WASHC4: variants seen among roughly 807,000 people sequenced by gnomAD.
The protein encoded by WASHC4 is WASH complex subunit 4, also known as WASH complex subunit 7.
Under a neutral mutation model 166.6 loss-of-function variants are expected in WASHC4, and 86 were observed. The observed-to-expected ratio is 0.52, with a 90% CI of 0.43 to 0.62. The LOEUF (loss-of-function observed/expected upper bound fraction) is 0.62. WASHC4 is among the 20% of genes least tolerant of loss of function. The probability of loss-of-function intolerance (pLI) is 0.00; values close to 1 mark genes in which losing one functional copy is unlikely to be tolerated. For synonymous variants in WASHC4, 446 were observed against 451.6 expected (o/e 0.99, Z 0.16); for missense variants, 1,262 against 1,382.4 (o/e 0.91, Z 1.38).
chr12:105,164,060 A>G, intron 30 of WASHC4, 51 bp from the exon 31 acceptor site: 2 of 1,491,580 alleles, frequency 1.3e-6, no homozygotes, highest in Non-Finnish European at 1.9e-6. Context: ...GGAGTAGAAT[A>G]CCACTTCTGT....
chr12:105,142,012 G>T (rs1269864546), intron 18 of WASHC4, among the ~76,000 whole-genome samples: 1 of 60,578 alleles, frequency 1.7e-5, no homozygotes, highest in Non-Finnish European at 3.1e-5. Context: ...GGCGGGGGGG[G>T]TCACAATTTT....
In WASHC4 at chr12:105,126,240, C is replaced by T; in HGVS notation, c.916C>T (p.Pro306Ser). 1 of 1,612,542 alleles carries T rather than the reference C, an allele frequency of 6.2e-7. No homozygotes were observed. Among genetic ancestry groups the T allele is most frequent in the Non-Finnish European group, 8.5e-7 (1 of 1,179,004 alleles). The change falls in exon 12 of 33, where the codon CCT becomes TCT. Residue 306 changes from proline (P) to serine (S), a missense_variant. Physicochemically the swap from Pro to Ser is moderately conservative, Grantham distance 74 (BLOSUM62 -1). Transcript: ENST00000332180. ...TTATGTTATTGATTTGTAAGGAGAA[C>T]CTTCTGAAATTGACCAGAGAGACAA... ...FANVEAKLGEPSEIDQRDKYV... is the reference protein window; with the variant it reads ...FANVEAKLGESSEIDQRDKYV...
intron 25 of WASHC4, among the ~76,000 whole-genome samples, chr12:105,151,736 T>C (rs1457446151): frequency 6.6e-6 from 1 of 152,198 alleles, no homozygotes; most frequent in Non-Finnish European, 1.5e-5. Context: ...TGCCTCGGCC[T>C]CCCAAAGTGC....
At chr12:105,109,649 CTTTTTTT>C (rs36080234) in intron 1 of WASHC4, among the ~76,000 whole-genome samples, 299 of 97,604 alleles carry the variant, frequency 3.1e-3, no homozygotes, top group African/African-American at 0.011. Flanking sequence ...CTAGCATTGT[CTTTTTTT>C]TTTTTTTTTT....
At chr12:105,116,602 G>T (rs76453585) in intron 6 of WASHC4, among the ~76,000 whole-genome samples, 9,068 of 152,154 alleles carry the variant, frequency 0.06, 897 homozygotes, top group African/African-American at 0.21. Context: ...ATGCTGAGTA[G>T]ATTTTAGCTG....
chr12:105,115,243 T>G lies in WASHC4; in HGVS notation c.367+14T>G, dbSNP rs752113277. ...ATGGAGAAGGAGGTAAGTTTAAAAT[T>G]CCAAATTGTGATGCCTTTTTGATAT... On this transcript the variant is annotated intron_variant, in intron 5 of 32. Coordinates refer to ENST00000332180, the MANE Select transcript of WASHC4 (RefSeq NM_015275.3). The G allele has an allele frequency of 2.0e-6, 3 of 1,529,172 alleles. No homozygotes were observed. Among genetic ancestry groups the G allele is most frequent in the Non-Finnish European group, 2.7e-6 (3 of 1,103,604 alleles). The allele number at this position is 1,529,172 out of a possible 1,614,324, so 94.7% of individuals were successfully genotyped here. A position where few individuals can be genotyped will look rare whatever the true frequency, so the allele number is the denominator to read the frequency against.
At chr12:105,130,749 C>T (rs1208938482) in intron 13 of WASHC4, among the ~76,000 whole-genome samples, 4 of 152,200 alleles carry the variant, frequency 2.6e-5, no homozygotes, top group Non-Finnish European at 5.9e-5. Context: ...GCCAGTGTCC[C>T]AGCTGCCTCC....
intron 15 of WASHC4, 91 bp from the exon 16 acceptor site, chr12:105,140,203 C>T (rs1882709862): frequency 2.2e-6 from 2 of 926,968 alleles, no homozygotes; most frequent in African/African-American, 1.6e-5. Flanking sequence ...TTTACAAATC[C>T]CTTCCCTAGC....
intron 2 of WASHC4, among the ~76,000 whole-genome samples, chr12:105,113,916 A>G (rs1879926701): frequency 6.6e-6 from 1 of 152,030 alleles, no homozygotes; most frequent in South Asian, 2.1e-4. Context: ...GATCATAACT[A>G]ATGGAGTTTA....
rs775449066 is a variant in WASHC4, at chr12:105,107,761, C to G, written c.-40C>G. Reference sequence around the variant, plus strand: ...CTGGGGTGAGGCCGTCGTCGCCGCACGGGCTGGTTGGGGCTGTGTCTGTGG... The same window carrying G: ...CTGGGGTGAGGCCGTCGTCGCCGCAGGGGCTGGTTGGGGCTGTGTCTGTGG... On this transcript the variant is annotated 5_prime_UTR_variant, in exon 1 of 33. Transcript: ENST00000332180. The G allele has an allele frequency of 2.7e-6, 4 of 1,487,226 alleles. No homozygotes were observed. In the Admixed American group the frequency reaches 6.0e-5, roughly 22 times the overall value. 92.1% of individuals were successfully genotyped at this position (1,487,226 alleles called of 1,614,324 possible). A position where few individuals can be genotyped will look rare whatever the true frequency, so the allele number is the denominator to read the frequency against.
intron 8 of WASHC4, 145 bp downstream of exon 8, chr12:105,120,742 G>C (rs1212127347): frequency 1.5e-6 from 1 of 684,008 alleles, no homozygotes; most frequent in African/African-American, 1.8e-5. Context: ...GTTTGCATTT[G>C]TTCTCTTTCA....
Position 105,141,167 on chromosome 12 carries a change from A to G in WASHC4, c.1708A>G (p.Lys570Glu). 6.2e-7 allele frequency: 1 copy of G among 1,613,280 alleles called. No individual in the cohort carries two copies. The highest frequency in any genetic ancestry group is 8.5e-7 in the Non-Finnish European group (1 of 1,179,204). Reference sequence around the variant, plus strand: ...TGCCTTTTTTTCCTGTCCCTGATAGAAAACATTTAAAGATGAAGAACTCTT... The same window carrying G: ...TGCCTTTTTTTCCTGTCCCTGATAGGAAACATTTAAAGATGAAGAACTCTT... ...SLALSVGTQM[K>E]TFKDEELFPL... Residue 570 changes from lysine (K) to glutamate (E), a missense_variant and splice_region_variant, in exon 18 of 33, where the codon AAA becomes GAA. Physicochemically the swap from Lys to Glu is moderately conservative, Grantham distance 56. Coordinates refer to ENST00000332180, the MANE Select transcript of WASHC4 (RefSeq NM_015275.3).
At chr12:105,138,103 A>C (rs1592883637) in intron 15 of WASHC4, 92 bp downstream of exon 15, 1 of 1,248,678 alleles carries the variant, frequency 8.0e-7, no homozygotes, top group East Asian at 2.4e-5. Context: ...CTACATGATT[A>C]TATGAGAACA....
Position 105,160,163 on chromosome 12 carries a change from A to T in WASHC4, c.3060+15A>T. 1 of 1,609,562 alleles carries T rather than the reference A, an allele frequency of 6.2e-7. No individual in the cohort carries two copies. The highest frequency in any genetic ancestry group is 8.5e-7 in the Non-Finnish European group (1 of 1,176,346). ...TTCCCCCTCTGGTGAGTATTTCCAG[A>T]ACCTAAAATGAATTTTTTTTTTAAA... is the stretch of plus-strand genomic sequence containing the variant. On this transcript the variant is annotated intron_variant, in intron 29 of 32. Coordinates refer to ENST00000332180, the MANE Select transcript of WASHC4 (RefSeq NM_015275.3).
intron 2 of WASHC4, among the ~76,000 whole-genome samples, chr12:105,113,605 G>A (rs762438541): frequency 1.3e-5 from 2 of 151,994 alleles, no homozygotes; most frequent in African/African-American, 2.4e-5. Flanking sequence ...TAATGAGAAA[G>A]GGTATATAAT....
intron 15 of WASHC4, among the ~76,000 whole-genome samples, chr12:105,138,360 TAAAAA>T (rs200705849): frequency 6.9e-6 from 1 of 145,332 alleles, no homozygotes; most frequent in East Asian, 2.0e-4. Context: ...TTGCATGAGT[TAAAAA>T]AAAAAAAAAC....
intron 32 of WASHC4, 116 bp downstream of exon 32, chr12:105,164,856 G>T: frequency 2.8e-6 from 2 of 709,686 alleles, no homozygotes; most frequent in South Asian, 3.4e-5. Flanking sequence ...AAATAACACA[G>T]ACCTAGCATT....
In WASHC4 at chr12:105,152,344, A is replaced by G. The variant is rs1339387501; in HGVS notation, c.2651A>G (p.Tyr884Cys). ...REIKDQNDHK[Y>C]PFDRAEKFNR... ...GTAGCCTTAAAATTTTCTGTCTAGT[A>G]TCCTTTTGATAGAGCAGAAAAATTC... The change falls in exon 26 of 33, where the codon TAT becomes TGT. Residue 884 changes from tyrosine (Y) to cysteine (C), a missense_variant and splice_region_variant. Coordinates refer to ENST00000332180, the MANE Select transcript of WASHC4 (RefSeq NM_015275.3). 3.3e-6 allele frequency: 5 copies of G among 1,517,282 alleles called. No homozygotes were observed. The highest frequency in any genetic ancestry group is 4.6e-6 in the Non-Finnish European group (5 of 1,092,456). 94.0% of individuals were successfully genotyped at this position (1,517,282 alleles called of 1,614,324 possible). A position where few individuals can be genotyped will look rare whatever the true frequency, so the allele number is the denominator to read the frequency against.
Position 105,144,292 on chromosome 12 carries a change from G to T in WASHC4, c.2016G>T (p.Leu672Phe). Residue 672 changes from leucine to phenylalanine, a missense_variant, in exon 21 of 33, where the codon TTG becomes TTT. Physicochemically the swap from Leu to Phe is conservative, Grantham distance 22. Transcript: ENST00000332180. Reference protein sequence around the residue: ...KEIMEILNEHLLDKLCKEIEK... With the variant: ...KEIMEILNEHFLDKLCKEIEK... The stretch of plus-strand genomic sequence containing the variant: ...ATCAAATCTTTTGTGAATAGCATTT[G>T]CTGGACAAATTATGCAAAGAAATAG... The T allele has an allele frequency of 6.2e-7, 1 of 1,611,894 alleles. No homozygotes were observed. Among genetic ancestry groups the T allele is most frequent in the Non-Finnish European group, 8.5e-7 (1 of 1,178,596 alleles).
Sources: allele counts gnomAD v4.1 joint callset (sites outside exome capture counted in the v4.1 genomes callset), GRCh38; gene constraint gnomAD v4.1.1; transcripts MANE v1.5; gene names NCBI Gene and HGNC (gene_info 2026-07-23, HGNC 2026-07-21).